The following JPH3 variants were observed in gnomAD, a reference collection of about 807,000 sequenced individuals.
JPH3 encodes the protein junctophilin 3, also known as junctophilin-3.
A neutral mutation model predicts 59.6 loss-of-function variants in JPH3; 11 were observed. The ratio of observed to expected loss-of-function variants is 0.18; its 90% CI spans 0.12 to 0.31. JPH3 has a LOEUF of 0.31. JPH3 is among the 10% of genes least tolerant of loss of function. The pLI, the probability that JPH3 is intolerant of heterozygous loss-of-function variation, is 1.00. For synonymous variants in JPH3, 673 were observed against 483.6 expected, an observed-to-expected ratio of 1.39 and a Z score of -5.14; for missense variants, 1,202 against 1,105.7, an observed-to-expected ratio of 1.09 and a Z score of -1.24.
chr16:87,625,795 G>A (rs1196731138), intron 1 of JPH3, among the ~76,000 whole-genome samples: 1 of 152,272 alleles, frequency 6.6e-6, no homozygotes, highest in South Asian at 2.1e-4. Context: ...GCCGTGGGGT[G>A]GGGAGGGAAG....
At chr16:87,673,082 G>GATGCAGTGGGCCGAGA (rs2033057562) in intron 2 of JPH3, among the ~76,000 whole-genome samples, 1 of 152,040 alleles carries the variant, frequency 6.6e-6, no homozygotes, top group African/African-American at 2.4e-5. Context: ...GGAGGCGGAG[G>GATGCAGTGGGCCGAGA]TTGCAGTGGG....
intron 4 of JPH3, chr16:87,696,353 C>A: frequency 3.4e-6 from 2 of 584,184 alleles, no homozygotes; most frequent in Non-Finnish European, 3.0e-6. Context: ...AATTCCAGGA[C>A]CAGCAACCTC....
chr16:87,643,267 G>A (rs754346251), intron 1 of JPH3, among the ~76,000 whole-genome samples: 7 of 152,192 alleles, frequency 4.6e-5, no homozygotes, highest in Non-Finnish European at 7.3e-5. Context: ...TGGACGGACC[G>A]CATGGCGTCT....
At chr16:87,621,901 G>A (rs897960727) in intron 1 of JPH3, among the ~76,000 whole-genome samples, 9 of 152,178 alleles carry the variant, frequency 5.9e-5, no homozygotes, top group East Asian at 5.8e-4. Context: ...AAAATAATGC[G>A]GAGATGGGTC....
chr16:87,672,883 G>T (rs1367553163), intron 2 of JPH3, among the ~76,000 whole-genome samples: 2 of 152,228 alleles, frequency 1.3e-5, no homozygotes, highest in Non-Finnish European at 2.9e-5. Context: ...AGTGGCTTGT[G>T]CCTATAATCT....
At chr16:87,658,466 T>C (rs2032584164) in intron 2 of JPH3, among the ~76,000 whole-genome samples, 1 of 152,032 alleles carries the variant, frequency 6.6e-6, no homozygotes, top group African/African-American at 2.4e-5. Context: ...CTCTCTGTCC[T>C]ATTTTTCTCC....
chr16:87,643,157 C>G (rs2032011174), intron 1 of JPH3, among the ~76,000 whole-genome samples: 1 of 152,166 alleles, frequency 6.6e-6, no homozygotes, highest in Non-Finnish European at 1.5e-5. Context: ...CCTTTTGTGC[C>G]CAGCTCAGTT....
intron 2 of JPH3, among the ~76,000 whole-genome samples, chr16:87,651,433 C>G (rs2032321906): frequency 6.6e-6 from 1 of 152,160 alleles, no homozygotes; most frequent in Non-Finnish European, 1.5e-5. Context: ...TGGATCTGGG[C>G]AAAGTCCATT....
chr16:87,661,100 G>A (rs1229439363), intron 2 of JPH3, among the ~76,000 whole-genome samples: 2 of 152,230 alleles, frequency 1.3e-5, no homozygotes, highest in Non-Finnish European at 2.9e-5. Context: ...GGGAGAATGT[G>A]TTCCTTGCCT....
chr16:87,619,401 G>A (rs545882897), intron 1 of JPH3, among the ~76,000 whole-genome samples: 14 of 152,146 alleles, frequency 9.2e-5, no homozygotes, highest in African/African-American at 3.4e-4. Context: ...GTGAGCCACC[G>A]GCTCCCCTGC....
intron 3 of JPH3, among the ~76,000 whole-genome samples, chr16:87,689,131 C>T (rs1481752978): frequency 1.3e-5 from 2 of 152,140 alleles, no homozygotes; most frequent in Non-Finnish European, 2.9e-5. Flanking sequence ...GAAGTCGGCT[C>T]CTGGGCTCTC....
At chr16:87,666,988 C>T (rs760029156) in intron 2 of JPH3, among the ~76,000 whole-genome samples, 5 of 152,216 alleles carry the variant, frequency 3.3e-5, no homozygotes, top group African/African-American at 4.8e-5. Context: ...CACCACAAAA[C>T]CGGAGGCTTA....
At chr16:87,612,407 C>T (rs976302891) in intron 1 of JPH3, among the ~76,000 whole-genome samples, 1 of 140,000 alleles carries the variant, frequency 7.1e-6, no homozygotes, top group African/African-American at 2.4e-5. Flanking sequence ...CAGGTGTGAG[C>T]AACTTTTTTA....
At chr16:87,640,027 G>C (rs1376680290) in intron 1 of JPH3, among the ~76,000 whole-genome samples, 1 of 152,172 alleles carries the variant, frequency 6.6e-6, no homozygotes, top group Non-Finnish European at 1.5e-5. Flanking sequence ...TCCACTTTGC[G>C]GGGGCAGCCC....
chr16:87,696,673 G>T lies in JPH3; in HGVS notation c.*13G>T. On this transcript the variant is annotated 3_prime_UTR_variant, in exon 5 of 5. Transcript: ENST00000284262. ...CTTTTTCATCTGATGAGATGTCGCG[G>T]TAGCAAAAATAGAGAAAGGGTAGAA... The T allele has an allele frequency of 6.2e-7, 1 of 1,604,772 alleles. No individual in the cohort carries two copies.
At chr16:87,662,071 C>T (rs2032721979) in intron 2 of JPH3, among the ~76,000 whole-genome samples, 1 of 152,128 alleles carries the variant, frequency 6.6e-6, no homozygotes, top group African/African-American at 2.4e-5. Flanking sequence ...ACTTGGTTTC[C>T]CTTGTAACCC....
chr16:87,658,460 C>T (rs895903836), intron 2 of JPH3, among the ~76,000 whole-genome samples: 30 of 151,770 alleles, frequency 2.0e-4, no homozygotes, highest in African/African-American at 7.3e-4. Context: ...CTCTGTCTCT[C>T]TGTCCTATTT....
chr16:87,643,317 C>G (rs903694485), intron 1 of JPH3, among the ~76,000 whole-genome samples: 1 of 152,224 alleles, frequency 6.6e-6, no homozygotes, highest in Non-Finnish European at 1.5e-5. Context: ...TTGCCTTTCC[C>G]TTTCCAGCCA....
chr16:87,684,342 G>T, intron 3 of JPH3, 76 bp downstream of exon 3: 1 of 1,566,430 alleles, frequency 6.4e-7, no homozygotes. Flanking sequence ...GGCAGCAGAT[G>T]TGTCCTCCAG....
Sources: gnomAD v4.1 joint callset for allele counts (sites outside exome capture counted in the v4.1 genomes callset) on GRCh38, gnomAD v4.1.1 for gene constraint, MANE v1.5 for transcripts, NCBI Gene and HGNC (gene_info 2026-07-23, HGNC 2026-07-21) for gene names.